The following ISCU variants were observed in gnomAD, a reference collection of about 807,000 sequenced individuals.
ISCU encodes iron-sulfur cluster assembly enzyme.
In ISCU, 13 loss-of-function variants were observed where a neutral mutation model predicts 18.4. That is an observed-to-expected ratio of 0.71 (90% CI 0.46 to 1.12). The LOEUF (loss-of-function observed/expected upper bound fraction) is 1.12, where lower values mean the gene tolerates loss of function less well. ISCU is among the 50% of genes most tolerant of loss of function. ISCU has a pLI of 0.00. For missense variants in ISCU, 229 were observed against 208.7 expected (o/e 1.10, Z -0.60); for synonymous variants, 104 against 87.5 (o/e 1.19, Z -1.06).
chr12:108,565,870 C>T (rs535869430), intron 3 of ISCU, among the ~76,000 whole-genome samples: 2 of 152,272 alleles, frequency 1.3e-5, no homozygotes, highest in Non-Finnish European at 2.9e-5. Context: ...ATCAAAAAGA[C>T]AGCAAGGGTG....
upstream of ISCU, chr12:108,561,497 AG>A (rs1357448309): frequency 4.1e-6 from 1 of 241,228 alleles, no homozygotes; most frequent in African/African-American, 2.2e-5. Flanking sequence ...AGAAGGTCAA[AG>A]TGATTCTTCG....
intron 4 of ISCU, chr12:108,568,495 G>A: frequency 1.7e-6 from 2 of 1,207,300 alleles, no homozygotes; most frequent in Middle Eastern, 3.5e-4. Context: ...TCCCTACTAT[G>A]TGTCAGACAT....
At chr12:108,567,885 C>A (rs1053894324) in intron 4 of ISCU, 3 of 1,432,020 alleles carry the variant, frequency 2.1e-6, no homozygotes, top group African/African-American at 1.4e-5. Flanking sequence ...TGTATTAAAT[C>A]TAATGCTTTT....
intron 2 of ISCU, chr12:108,564,860 C>T (rs1162671339): frequency 3.7e-6 from 1 of 267,878 alleles, no homozygotes; most frequent in Non-Finnish European, 7.2e-6. Context: ...GAGTGGGCAG[C>T]TTGCCAGAGG....
In ISCU at chr12:108,568,904, A is replaced by G; in HGVS notation, c.492A>G (p.Ala164=). 1 of 1,612,216 alleles carries G rather than the reference A, an allele frequency of 6.2e-7. No homozygotes were observed. The highest frequency in any genetic ancestry group is 8.5e-7 in the Non-Finnish European group (1 of 1,179,216). ...AACAAGAACCCAAAAAAGGAGAGGC[A>G]GAGAAGAAATGAGCCCTCCCTCGGC... ...KLKQEPKKGE[A]EKK The change falls in exon 5 of 5, where the codon GCA becomes GCG. Residue 164 remains alanine (A), a synonymous_variant. Coordinates refer to ENST00000311893, the MANE Select transcript of ISCU (RefSeq NM_213595.4).
At chr12:108,563,122 G>A (rs935475134) in intron 1 of ISCU, 1 of 165,092 alleles carries the variant, frequency 6.1e-6, no homozygotes, top group Admixed American at 6.4e-5. Context: ...GCGCCTCTCT[G>A]AACCTGTTTC....
chr12:108,562,590 C>G (rs778574514), upstream of ISCU: 3 of 1,260,590 alleles, frequency 2.4e-6, no homozygotes, highest in South Asian at 1.9e-5. Context: ...CCCTCGGCGT[C>G]GCTCTGGACT....
chr12:108,563,151 G>A (rs772587245), intron 1 of ISCU: 2 of 157,692 alleles, frequency 1.3e-5, no homozygotes, highest in African/African-American at 2.4e-5. Flanking sequence ...TAAATGGGGG[G>A]CTCTCAGCTG....
intron 1 of ISCU, 129 bp from the exon 2 acceptor site, chr12:108,564,150 A>C (rs2030771102): frequency 6.2e-7 from 1 of 1,611,328 alleles, no homozygotes; most frequent in African/African-American, 1.3e-5. Flanking sequence ...AGACCTTTCT[A>C]CTCAGGTGAA....
chr12:108,564,651 C>G (rs1237214027), intron 2 of ISCU, among the ~76,000 whole-genome samples: 1 of 152,200 alleles, frequency 6.6e-6, no homozygotes, highest in African/African-American at 2.4e-5. Flanking sequence ...CTCACTGTAT[C>G]AGTTTAAATT....
intron 3 of ISCU, among the ~76,000 whole-genome samples, chr12:108,566,594 T>C (rs2030908750): frequency 6.6e-6 from 1 of 152,242 alleles, no homozygotes; most frequent in Non-Finnish European, 1.5e-5. Context: ...GGCAAGGATC[T>C]GCCTGCCTCA....
intron 4 of ISCU, chr12:108,568,023 C>T: frequency 6.6e-7 from 1 of 1,518,654 alleles, no homozygotes; most frequent in Non-Finnish European, 8.8e-7. Context: ...CAAGGTAATA[C>T]TCACAGCAGA....
rs1300314086 is a variant in ISCU at position 108,562,659 on chromosome 12, G to T, written c.37G>T (p.Ala13Ser). 6.9e-7 allele frequency: 1 copy of T among 1,454,486 alleles called. No homozygotes were observed. Among genetic ancestry groups the T allele is most frequent in the African/African-American group, 1.5e-5 (1 of 68,136 alleles). The allele number at this position is 1,454,486 out of a possible 1,614,324, so 90.1% of individuals were successfully genotyped here. A position where few individuals can be genotyped will look rare whatever the true frequency, so the allele number is the denominator to read the frequency against. ...TGGGGCTTTCCGTCTGAGGCGGGCGGCATCGGCTCTGCTGCTGCGGAGCCC... is the reference window on the plus strand; with the variant it reads ...TGGGGCTTTCCGTCTGAGGCGGGCGTCATCGGCTCTGCTGCTGCGGAGCCC... ...AAGAFRLRRA[A>S]SALLLRSPRL... Residue 13 changes from alanine to serine, a missense_variant, in exon 1 of 5, where the codon GCA becomes TCA. Coordinates refer to ENST00000311893, the MANE Select transcript of ISCU (RefSeq NM_213595.4).
rs550874413 is a variant in ISCU at position 108,562,654 on chromosome 12, G to T, written c.32G>T (p.Arg11Leu). The T allele has an allele frequency of 6.8e-7, 1 of 1,460,940 alleles. No individual in the cohort carries two copies. The highest frequency in any genetic ancestry group is 9.0e-7 in the Non-Finnish European group (1 of 1,112,804). 90.5% of individuals were successfully genotyped at this position (1,460,940 alleles called of 1,614,324 possible). MAAAGAFRLR[R>L]AASALLLRSP... is the part of the protein sequence containing the mutation. ...GCGGCTGGGGCTTTCCGTCTGAGGCGGGCGGCATCGGCTCTGCTGCTGCGG... is the reference window on the plus strand; with the variant it reads ...GCGGCTGGGGCTTTCCGTCTGAGGCTGGCGGCATCGGCTCTGCTGCTGCGG... Residue 11 changes from arginine (R) to leucine (L), a missense_variant, in exon 1 of 5, where the codon CGG becomes CTG. Coordinates refer to ENST00000311893, the MANE Select transcript of ISCU (RefSeq NM_213595.4).
At position 108,567,722 on chromosome 12, in the gene ISCU, T is replaced by A. The variant is rs987166465; in HGVS notation, c.418+454T>A. The A allele has an allele frequency of 1.6e-5, 25 of 1,535,864 alleles. No homozygotes were observed. In the East Asian group the frequency reaches 1.7e-4, roughly 11 times the overall value. ...CGCCATAATCCTGTTTCCTGTGTAT[T>A]TCTTCACTTCCTGTCTGGATGGTAT... On this transcript the variant is annotated intron_variant, in intron 4 of 4. Transcript: ENST00000311893.
chr12:108,562,799 C>G (rs1286471700), intron 1 of ISCU, 63 bp downstream of exon 1: 4 of 974,422 alleles, frequency 4.1e-6, no homozygotes, highest in Non-Finnish European at 5.6e-6. Flanking sequence ...GGAGGGGCGG[C>G]CGCGGGGTTC....
intron 1 of ISCU, chr12:108,563,854 G>A (rs1034718975): frequency 1.6e-5 from 9 of 578,164 alleles, no homozygotes; most frequent in Non-Finnish European, 1.8e-5. Context: ...TCACCTTAAG[G>A]CTTCTAAGAA....
chr12:108,567,424 C>T, intron 4 of ISCU, 156 bp downstream of exon 4: 2 of 754,124 alleles, frequency 2.7e-6, no homozygotes, highest in Non-Finnish European at 4.7e-6. Context: ...GTTAGAGCCC[C>T]CATGGTCTCA....
At position 108,568,970 on chromosome 12, in the gene ISCU, G is replaced by C. The variant is rs1695080825; in HGVS notation, c.*54G>C. 6.8e-7 allele frequency: 1 copy of C among 1,473,532 alleles called. No individual in the cohort carries two copies. The highest frequency in any genetic ancestry group is 1.9e-5 in the Admixed American group (1 of 53,868). The allele number at this position is 1,473,532 out of a possible 1,614,324, so 91.3% of individuals were successfully genotyped here. Reference sequence around the variant, plus strand: ...CCACACCAGCTGTTTCCCACCTGCTGTGCAGTCACCTTAGATGTTCAGAAG... The same window carrying C: ...CCACACCAGCTGTTTCCCACCTGCTCTGCAGTCACCTTAGATGTTCAGAAG... On this transcript the variant is annotated 3_prime_UTR_variant, in exon 5 of 5. Transcript: ENST00000311893.
Sources: allele counts gnomAD v4.1 joint callset (sites outside exome capture counted in the v4.1 genomes callset), GRCh38; gene constraint gnomAD v4.1.1; transcripts MANE v1.5; gene names NCBI Gene and HGNC (gene_info 2026-07-23, HGNC 2026-07-21).